The following EFCAB14 variants were observed in gnomAD, a reference collection of about 807,000 sequenced individuals.
The protein encoded by EFCAB14 is EF-hand calcium binding domain 14.
Under a neutral mutation model 56.5 loss-of-function variants are expected in EFCAB14, and 43 were observed. The observed-to-expected ratio is 0.76, with a 90% CI of 0.60 to 0.98. The LOEUF (loss-of-function observed/expected upper bound fraction) is 0.98. Among genes scored for constraint, EFCAB14 ranks in the 50% least tolerant of loss-of-function variants. The probability of loss-of-function intolerance (pLI) is 0.00; values close to 1 mark genes in which losing one functional copy is unlikely to be tolerated. For synonymous variants in EFCAB14, 235 were observed against 212.9 expected (o/e 1.10, Z -0.90); for missense variants, 538 against 580.3 (o/e 0.93, Z 0.75).
rs1160035987 is a variant in EFCAB14 at position 46,677,119 on chromosome 1, G to A, written c.*1342C>T. 6.6e-6 allele frequency: 1 copy of A among 152,584 alleles called. No homozygotes were observed. The highest frequency in any genetic ancestry group is 1.9e-4 in the East Asian group (1 of 5,196). The allele number at this position is 152,584 out of a possible 1,614,324, so 9.5% of individuals were successfully genotyped here. A position where few individuals can be genotyped will look rare whatever the true frequency, so the allele number is the denominator to read the frequency against. On this transcript the variant is annotated 3_prime_UTR_variant, in exon 11 of 11. Transcript: ENST00000371933. Reference sequence around the variant, plus strand: ...GCAATTCTAGACTCAACATACAGGAGACATGGAGGTATTATTCCTTTCAAT... The same window carrying A: ...GCAATTCTAGACTCAACATACAGGAAACATGGAGGTATTATTCCTTTCAAT...
chr1:46,686,712 T>C (rs1676887892), intron 8 of EFCAB14, 72 bp downstream of exon 8: 5 of 1,441,182 alleles, frequency 3.5e-6, no homozygotes, highest in South Asian at 2.4e-5. Flanking sequence ...TTTGAAAAAG[T>C]AGCAGTAGAT....
intron 3 of EFCAB14, among the ~76,000 whole-genome samples, chr1:46,698,733 CAGAG>C (rs1005629293): frequency 5.3e-5 from 8 of 152,090 alleles, no homozygotes; most frequent in African/African-American, 1.7e-4. Context: ...GTGAGAGAGA[CAGAG>C]AGACAAAGTA....
chr1:46,700,956 T>TGAGA (rs72283851), intron 3 of EFCAB14, among the ~76,000 whole-genome samples: 14,793 of 134,348 alleles, frequency 0.11, 903 homozygotes, highest in Non-Finnish European at 0.15. Flanking sequence ...TATGGGGGCA[T>TGAGA]GAGAGAGAGA....
At chr1:46,679,779 T>A (rs372685011) in intron 10 of EFCAB14, among the ~76,000 whole-genome samples, 6 of 151,970 alleles carry the variant, frequency 3.9e-5, no homozygotes, top group African/African-American at 1.4e-4. Flanking sequence ...CCTGGCTAAT[T>A]TTTGTATTTT....
chr1:46,686,338 A>G (rs968147724), intron 8 of EFCAB14, among the ~76,000 whole-genome samples: 15 of 152,260 alleles, frequency 9.9e-5, no homozygotes, highest in Non-Finnish European at 1.9e-4. Context: ...CACCATTTTT[A>G]GATTATCTCT....
intron 2 of EFCAB14, among the ~76,000 whole-genome samples, chr1:46,715,756 G>C (rs1677378326): frequency 6.6e-6 from 1 of 152,022 alleles, no homozygotes; most frequent in Non-Finnish European, 1.5e-5. Context: ...TACTTGTCCT[G>C]CTGGTGCATA....
rs1677209472 is a variant in EFCAB14, at chr1:46,704,605, CT to C, written c.480+3300del. Reference sequence around the variant, plus strand: ...CACCAGACACCAAATCTGCTGGTGCCTTATCTTGGACTTCCCAGCCCCTGTT... The same window carrying C: ...CACCAGACACCAAATCTGCTGGTGCCTATCTTGGACTTCCCAGCCCCTGTT... On this transcript the variant is annotated intron_variant, in intron 3 of 10. Coordinates refer to ENST00000371933, the MANE Select transcript of EFCAB14 (RefSeq NM_014774.3). Among the ~76,000 whole-genome samples the C allele has an allele frequency of 2.6e-5, 4 of 152,056 alleles. No individual in the cohort carries two copies. The South Asian group carries it at 8.3e-4, about 31-fold the overall frequency.
Position 46,696,503 on chromosome 1 carries a change from A to C in EFCAB14, c.579+48T>G, listed in dbSNP as rs1677079196. ...TAGAATTATGGCAAATAGTACCCAC[A>C]CATGGCACCTACCTTCTGAAGTCTC... On this transcript the variant is annotated intron_variant, in intron 4 of 10. Coordinates refer to ENST00000371933, the MANE Select transcript of EFCAB14 (RefSeq NM_014774.3). The C allele has an allele frequency of 1.9e-6, 3 of 1,549,812 alleles. No homozygotes were observed. The East Asian group carries it at 6.8e-5, about 35-fold the overall frequency.
Position 46,678,414 on chromosome 1 carries a change from G to C in EFCAB14, c.*47C>G. Reference sequence around the variant, plus strand: ...GTAAGTAAGGGTTGTTTTGTTGTTAGGTAAATAGATATTAGGCAGTCCATT... The same window carrying C: ...GTAAGTAAGGGTTGTTTTGTTGTTACGTAAATAGATATTAGGCAGTCCATT... On this transcript the variant is annotated 3_prime_UTR_variant, in exon 11 of 11. Coordinates refer to ENST00000371933, the MANE Select transcript of EFCAB14 (RefSeq NM_014774.3). The C allele has an allele frequency of 1.9e-6, 3 of 1,604,712 alleles. No homozygotes were observed. Among genetic ancestry groups the C allele is most frequent in the Admixed American group, 1.7e-5 (1 of 59,690 alleles).
At chr1:46,706,864 G>A (rs550293352) in intron 3 of EFCAB14, among the ~76,000 whole-genome samples, 1 of 152,332 alleles carries the variant, frequency 6.6e-6, no homozygotes, top group African/African-American at 2.4e-5. Context: ...GTGAGCTACT[G>A]TTTCAGAAAC....
Position 46,700,658 on chromosome 1 carries a change from C to T in EFCAB14, c.481-4009G>A, listed in dbSNP as rs1167900917. 4.6e-5 allele frequency among the ~76,000 whole-genome samples: 7 copies of T among 152,110 alleles called. No individual in the cohort carries two copies. In the East Asian group the frequency reaches 1.3e-3, roughly 29 times the overall value. ...GAAATGTTTATATTCTTTATTTTAGCAATTTCATGTCTAGAAATCTTATAA... is the reference window on the plus strand; with the variant it reads ...GAAATGTTTATATTCTTTATTTTAGTAATTTCATGTCTAGAAATCTTATAA... On this transcript the variant is annotated intron_variant, in intron 3 of 10. Transcript: ENST00000371933.
chr1:46,687,554 A>G (rs1245583182), intron 7 of EFCAB14, among the ~76,000 whole-genome samples: 1 of 152,140 alleles, frequency 6.6e-6, no homozygotes, highest in Non-Finnish European at 1.5e-5. Flanking sequence ...GCTTACTTCC[A>G]GCTTTGGTGG....
chr1:46,698,926 TAAG>T (rs1338368879), intron 3 of EFCAB14, among the ~76,000 whole-genome samples: 3 of 152,090 alleles, frequency 2.0e-5, no homozygotes, highest in African/African-American at 4.8e-5. Context: ...GAGAGACCAG[TAAG>T]AAGGAGATCT....
At chr1:46,683,454 G>A in intron 9 of EFCAB14, 29 bp from the exon 10 acceptor site, 1 of 1,600,526 alleles carries the variant, frequency 6.2e-7, no homozygotes, top group African/African-American at 1.3e-5. Flanking sequence ...GTTTTATTTA[G>A]TATTATTGAA....
rs935453165 is a variant in EFCAB14, at chr1:46,678,563, G to C, written c.1386C>G (p.Ser462=). Residue 462 remains serine, a synonymous_variant, in exon 11 of 11, where the codon TCC becomes TCG. Transcript: ENST00000371933. ...GKLTYQEIWT[S]LGSAMPEPES... Reference sequence around the variant, plus strand: ...CTGGTTCTGGCATAGCAGAACCTAGGGAGGTCCAGATTTCCTGGTAGGTCA... The same window carrying C: ...CTGGTTCTGGCATAGCAGAACCTAGCGAGGTCCAGATTTCCTGGTAGGTCA... The C allele has an allele frequency of 6.2e-7, 1 of 1,614,138 alleles. No individual in the cohort carries two copies. The highest frequency in any genetic ancestry group is 8.5e-7 in the Non-Finnish European group (1 of 1,180,018).
At position 46,676,866 on chromosome 1, in the gene EFCAB14, G is replaced by A. The variant is rs1048380; in HGVS notation, c.*1595C>T. On this transcript the variant is annotated 3_prime_UTR_variant, in exon 11 of 11. Coordinates refer to ENST00000371933, the MANE Select transcript of EFCAB14 (RefSeq NM_014774.3). ...TGGTTAATACCAAGCTGAACATCAT[G>A]TAAAGAAAAAAAAAACAGCCCTTAA... 36,952 of 151,730 alleles carry A rather than the reference G, an allele frequency of 0.24. 4,819 individuals carry two copies. The highest frequency in any genetic ancestry group is 0.35 in the East Asian group (1,786 of 5,140). The allele number at this position is 151,730 out of a possible 1,614,324, so 9.4% of individuals were successfully genotyped here.
At chr1:46,709,796 T>C (rs1677282357) in intron 2 of EFCAB14, among the ~76,000 whole-genome samples, 1 of 152,136 alleles carries the variant, frequency 6.6e-6, no homozygotes, top group African/African-American at 2.4e-5. Context: ...GAGACCAGCC[T>C]GGTCAACATG....
Position 46,696,535 on chromosome 1 carries a change from C to A in EFCAB14, c.579+16G>T. ...ACCTACCTTCTGAAGTCTCTGTACC[C>A]ACACATGGCACCTACCTTCTGAAGT... On this transcript the variant is annotated intron_variant, in intron 4 of 10. Coordinates refer to ENST00000371933, the MANE Select transcript of EFCAB14 (RefSeq NM_014774.3). The A allele has an allele frequency of 6.2e-7, 1 of 1,610,782 alleles. No homozygotes were observed. Among genetic ancestry groups the A allele is most frequent in the South Asian group, 1.1e-5 (1 of 90,874 alleles).
intron 2 of EFCAB14, among the ~76,000 whole-genome samples, chr1:46,712,271 G>GAGGT (rs1358967346): frequency 6.6e-6 from 1 of 152,148 alleles, no homozygotes; most frequent in African/African-American, 2.4e-5. Context: ...GCCAGAAAAG[G>GAGGT]AGGTGCCTGA....
Sources: allele counts gnomAD v4.1 joint callset (sites outside exome capture counted in the v4.1 genomes callset), GRCh38; gene constraint gnomAD v4.1.1; transcripts MANE v1.5; gene names NCBI Gene and HGNC (gene_info 2026-07-23, HGNC 2026-07-21).